Variants in NEXN observed in about 807,000 individuals in gnomAD.
NEXN encodes nexilin F-actin binding protein.
A neutral mutation model predicts 92.6 loss-of-function variants in NEXN; 65 were observed. That is an observed-to-expected ratio of 0.70 (90% CI 0.57 to 0.86). The LOEUF is 0.86. Ranked by LOEUF, NEXN falls within the 40% of genes least tolerant of loss-of-function variation. The pLI is 0.00. For missense variants in NEXN, 778 were observed against 771.1 expected (o/e 1.01, Z -0.11); for synonymous variants, 254 against 242.5 (o/e 1.05, Z -0.44).
intron 1 of NEXN, among the ~76,000 whole-genome samples, chr1:77,891,162 G>A (rs979928412): frequency 1.3e-5 from 2 of 151,894 alleles, no homozygotes; most frequent in African/African-American, 4.8e-5. Context: ...TATACTCCAG[G>A]GTGGGTGGAT....
At chr1:77,893,760 A>G (rs921177036) in intron 1 of NEXN, among the ~76,000 whole-genome samples, 7 of 152,158 alleles carry the variant, frequency 4.6e-5, no homozygotes, top group African/African-American at 1.7e-4. Context: ...ATATAAGGGC[A>G]AAGTGTTATT....
In NEXN at chr1:77,923,056, C is replaced by G. The variant is rs565079079; in HGVS notation, c.448-2132C>G. 1.9e-3 allele frequency among the ~76,000 whole-genome samples: 262 copies of G among 140,728 alleles called. 1 individual carries two copies. In the South Asian group the frequency reaches 0.02, roughly 11 times the overall value. 92.3% of individuals were successfully genotyped at this position (140,728 alleles called of 152,430 possible). On this transcript the variant is annotated intron_variant, in intron 5 of 12. Coordinates refer to ENST00000334785, the MANE Select transcript of NEXN (RefSeq NM_144573.4). ...AGGGTCTTGCTCTGTCTCCCAGGCACGCTCATGGCTCACTGCAACCTCCAC... is the reference window on the plus strand; with the variant it reads ...AGGGTCTTGCTCTGTCTCCCAGGCAGGCTCATGGCTCACTGCAACCTCCAC...
At chr1:77,936,162 T>C (rs1383010688) in intron 11 of NEXN, 118 bp downstream of exon 11, 2 of 726,478 alleles carry the variant, frequency 2.8e-6, no homozygotes, top group Admixed American at 2.8e-5. Context: ...GTATATACAG[T>C]AATCTGGGAA....
intron 1 of NEXN, among the ~76,000 whole-genome samples, chr1:77,899,536 A>G (rs1192168376): frequency 1.3e-5 from 2 of 152,132 alleles, no homozygotes; most frequent in African/African-American, 4.8e-5. Context: ...GAGGGATAGC[A>G]TTTGGAGATA....
Position 77,935,943 on chromosome 1 carries a change from T to A in NEXN, c.1372T>A (p.Leu458Met). The A allele has an allele frequency of 6.2e-7, 1 of 1,613,934 alleles. No individual in the cohort carries two copies. Among genetic ancestry groups the A allele is most frequent in the South Asian group, 1.1e-5 (1 of 91,018 alleles). The change falls in exon 11 of 13, where the codon TTG becomes ATG. Residue 458 changes from leucine (L) to methionine (M), a missense_variant. This residue lies in a region of NEXN where 532 missense variants were observed against 476.7 expected (regional missense o/e 1.12). Coordinates refer to ENST00000334785, the MANE Select transcript of NEXN (RefSeq NM_144573.4). ...LKSKFEKIGQ[L>M]SEKEIQKKIE... ...AAGCAAGTTTGAAAAAATTGGACAG[T>A]TGTCTGAAAAAGAAATACAGAAAAA...
chr1:77,920,388 G>A (rs1460506327), intron 5 of NEXN, among the ~76,000 whole-genome samples: 2 of 152,048 alleles, frequency 1.3e-5, no homozygotes, highest in African/African-American at 4.8e-5. Flanking sequence ...ATGCCATAAA[G>A]GATTCCTGAG....
At chr1:77,937,550 A>G (rs1650877029) in intron 11 of NEXN, among the ~76,000 whole-genome samples, 1 of 152,098 alleles carries the variant, frequency 6.6e-6, no homozygotes, top group South Asian at 2.1e-4. Context: ...TTAGCCAGGC[A>G]TAATGGCGGG....
intron 8 of NEXN, 129 bp from the exon 9 acceptor site, chr1:77,929,187 T>A: frequency 9.3e-6 from 6 of 645,708 alleles, no homozygotes; most frequent in Non-Finnish European, 1.7e-5. Context: ...GGAAGGGGAT[T>A]TAGGTCAAGT....
At position 77,925,313 on chromosome 1, in the gene NEXN, A is replaced by G. The variant is rs548825592; in HGVS notation, c.489+84A>G. ...TCTTTTAGTATAAGAAAAAACTAAA[A>G]GAGCTTTTATTATTTTTATTATAAA... is the stretch of plus-strand genomic sequence containing the variant. On this transcript the variant is annotated intron_variant, in intron 6 of 12. Coordinates refer to ENST00000334785, the MANE Select transcript of NEXN (RefSeq NM_144573.4). 14 of 934,864 alleles carry G rather than the reference A, an allele frequency of 1.5e-5. No individual in the cohort carries two copies. The South Asian group carries it at 1.8e-4, about 12-fold the overall frequency. The allele number at this position is 934,864 out of a possible 1,614,324, so 57.9% of individuals were successfully genotyped here.
rs1460283605 is a variant in NEXN, at chr1:77,943,630, G to C, written c.*801G>C. The C allele has an allele frequency of 1.3e-5, 2 of 152,012 alleles. No homozygotes were observed. The highest frequency in any genetic ancestry group is 2.1e-4 in the South Asian group (1 of 4,828). 9.4% of individuals were successfully genotyped at this position (152,012 alleles called of 1,614,324 possible). On this transcript the variant is annotated 3_prime_UTR_variant, in exon 13 of 13. Coordinates refer to ENST00000334785, the MANE Select transcript of NEXN (RefSeq NM_144573.4). ...GCAAATTTATGTTGTGATCTTGCCT[G>C]AACAAATTATATTTTAATGAAAAAA...
At chr1:77,905,606 G>A (rs1382148715) in intron 1 of NEXN, among the ~76,000 whole-genome samples, 4 of 152,284 alleles carry the variant, frequency 2.6e-5, no homozygotes, top group East Asian at 1.9e-4. Context: ...GAGGTGCTAT[G>A]GATATAATGG....
intron 9 of NEXN, among the ~76,000 whole-genome samples, chr1:77,930,363 C>CT (rs1280380526): frequency 1.3e-5 from 2 of 152,146 alleles, no homozygotes; most frequent in African/African-American, 4.8e-5. Flanking sequence ...ACTATGAAAT[C>CT]TGTCAGTTTT....
At chr1:77,893,838 CTT>C (rs903294611) in intron 1 of NEXN, among the ~76,000 whole-genome samples, 6 of 142,304 alleles carry the variant, frequency 4.2e-5, no homozygotes, top group South Asian at 2.2e-4. Context: ...TTCTTTCTTT[CTT>C]TTTTTTTTTT....
At chr1:77,910,106 T>C (rs1648442659) in intron 1 of NEXN, among the ~76,000 whole-genome samples, 1 of 152,230 alleles carries the variant, frequency 6.6e-6, no homozygotes, top group Non-Finnish European at 1.5e-5. Flanking sequence ...GCCATATGAT[T>C]ATCTCAATAG....
intron 11 of NEXN, among the ~76,000 whole-genome samples, chr1:77,940,065 A>G (rs1454226436): frequency 6.6e-6 from 1 of 152,144 alleles, no homozygotes; most frequent in Non-Finnish European, 1.5e-5. Context: ...CACAGCGAGA[A>G]ATATCAATGT....
chr1:77,907,360 C>T (rs1338106421), intron 1 of NEXN, among the ~76,000 whole-genome samples: 3 of 152,122 alleles, frequency 2.0e-5, no homozygotes, highest in African/African-American at 2.4e-5. Flanking sequence ...ACAGTGTCTA[C>T]GTAATTATGA....
intron 1 of NEXN, among the ~76,000 whole-genome samples, chr1:77,899,630 C>T (rs1557961118): frequency 6.6e-6 from 1 of 151,218 alleles, no homozygotes; most frequent in South Asian, 2.1e-4. Context: ...GCACATTGTG[C>T]ACATTAAAAC....
chr1:77,918,065 A>C (rs1371752536), intron 4 of NEXN, 27 bp downstream of exon 4: 1 of 1,612,744 alleles, frequency 6.2e-7, no homozygotes, highest in Non-Finnish European at 8.5e-7. Flanking sequence ...GTAAATAGTA[A>C]ATTAAATTGC....
chr1:77,895,029 A>ATTTTTTTTTTTTTT (rs559226754), intron 1 of NEXN, among the ~76,000 whole-genome samples: 15 of 61,652 alleles, frequency 2.4e-4, no homozygotes, highest in Middle Eastern at 0.016. Flanking sequence ...CTATAGTGTA[A>ATTTTTTTTTTTTTT]TTTTTTTTTT....
Sources: allele counts gnomAD v4.1 joint callset (sites outside exome capture counted in the v4.1 genomes callset), GRCh38; gene constraint gnomAD v4.1.1; regional missense constraint gnomAD v4.1.1; transcripts MANE v1.5; gene names NCBI Gene and HGNC (gene_info 2026-07-23, HGNC 2026-07-21).